Variants in NTRK2 observed in about 807,000 individuals in gnomAD.
NTRK2 encodes BDNF/NT-3 growth factors receptor.
In NTRK2, 13 loss-of-function variants were observed where a neutral mutation model predicts 94.5. The ratio of observed to expected loss-of-function variants is 0.14; its 90% CI spans 0.09 to 0.22. The LOEUF is 0.22. Among genes scored for constraint, NTRK2 ranks in the 10% least tolerant of loss-of-function variants. NTRK2 has a pLI of 1.00. For missense variants in NTRK2, 639 were observed against 1,071.2 expected (o/e 0.60, Z 5.63); for synonymous variants, 372 against 407.4 (o/e 0.91, Z 1.05).
upstream of NTRK2, chr9:84,669,188 A>G (rs917403772): frequency 2.0e-5 from 3 of 152,412 alleles, no homozygotes; most frequent in African/African-American, 7.2e-5. This position sits in a 1 kb window ranked among gnomAD's most constrained non-coding sequence, Gnocchi z 4.1. Flanking sequence ...TGTTTACAAC[A>G]TTTATTTATT....
At chr9:84,886,913 G>A (rs1218814826) in intron 14 of NTRK2, among the ~76,000 whole-genome samples, 1 of 152,240 alleles carries the variant, frequency 6.6e-6, no homozygotes, top group East Asian at 1.9e-4. Flanking sequence ...TGTATGAAAG[G>A]AGCAGTGAAT....
chr9:84,802,367 T>G (rs933567530), intron 12 of NTRK2, among the ~76,000 whole-genome samples: 1 of 152,212 alleles, frequency 6.6e-6, no homozygotes, highest in Non-Finnish European at 1.5e-5. Context: ...AAATTCCACT[T>G]GAACCAAAGA....
At chr9:84,683,979 T>C (rs980989179) in intron 2 of NTRK2, among the ~76,000 whole-genome samples, 2 of 152,232 alleles carry the variant, frequency 1.3e-5, no homozygotes, top group African/African-American at 4.8e-5. Context: ...ATCTGTTTGT[T>C]GGCCACATAA....
rs767147256 is a variant in NTRK2 at position 84,724,354 on chromosome 9, A to G, written c.851A>G (p.His284Arg). 1.2e-6 allele frequency: 2 copies of G among 1,614,184 alleles called. No homozygotes were observed. Among genetic ancestry groups the G allele is most frequent in the Admixed American group, 1.7e-5 (1 of 60,028 alleles). ...EDQDSVNLTV[H>R]FAPTITFLES... ...CAAGATTCTGTCAACCTCACTGTGC[A>G]TTGTACGTAATCAGACTGGCATGTG... Residue 284 changes from histidine (H) to arginine (R), a missense_variant and splice_region_variant, in exon 8 of 19, where the codon CAT (histidine) becomes CGT (arginine). Around this residue, in one of 5 missense-constraint regions of NTRK2, gnomAD observed 343 missense variants for 571.5 expected, o/e 0.60. Coordinates refer to ENST00000277120, the MANE Select transcript of NTRK2 (RefSeq NM_006180.6).
chr9:84,921,167 C>A (rs1388258121), intron 14 of NTRK2, among the ~76,000 whole-genome samples: 1 of 152,160 alleles, frequency 6.6e-6, no homozygotes, highest in Non-Finnish European at 1.5e-5. Context: ...TCACCAGGAC[C>A]CCAAAGGACC....
At chr9:85,010,959 C>T (rs1048645956) in intron 17 of NTRK2, among the ~76,000 whole-genome samples, 1 of 152,112 alleles carries the variant, frequency 6.6e-6, no homozygotes, top group African/African-American at 2.4e-5. Context: ...CCTGAAGCAA[C>T]ATGGAGTCCA....
chr9:84,836,190 T>A (rs2073863914), intron 12 of NTRK2, among the ~76,000 whole-genome samples: 1 of 152,194 alleles, frequency 6.6e-6, no homozygotes, highest in African/African-American at 2.4e-5. Flanking sequence ...ATCAAAGAGT[T>A]ACTATTCAGG....
At chr9:84,813,772 G>T in intron 12 of NTRK2, 7 of 1,065,862 alleles carry the variant, frequency 6.6e-6, no homozygotes, top group East Asian at 5.0e-5. Context: ...TTTCAACAGC[G>T]CTCATGTCTC....
chr9:84,818,451 C>T (rs965259456), intron 12 of NTRK2, among the ~76,000 whole-genome samples: 8 of 152,158 alleles, frequency 5.3e-5, no homozygotes, highest in African/African-American at 1.7e-4. Context: ...GAGAGGCACC[C>T]CTTGATCCCA....
At chr9:84,718,906 G>A (rs866879526) in intron 6 of NTRK2, among the ~76,000 whole-genome samples, 1 of 152,114 alleles carries the variant, frequency 6.6e-6, no homozygotes, top group African/African-American at 2.4e-5. Flanking sequence ...ATTAACATGA[G>A]TCAGATGCTT....
At chr9:84,776,719 C>T (rs1031159269) in intron 12 of NTRK2, among the ~76,000 whole-genome samples, 3 of 152,308 alleles carry the variant, frequency 2.0e-5, no homozygotes, top group African/African-American at 7.2e-5. Context: ...TCTTCCAAAA[C>T]CCCATGAGTG....
At chr9:84,845,051 G>A (rs1044255796) in intron 12 of NTRK2, among the ~76,000 whole-genome samples, 2 of 152,228 alleles carry the variant, frequency 1.3e-5, no homozygotes, top group East Asian at 1.9e-4. Context: ...ACAGTATGGC[G>A]ATTCTTTAAA....
rs191112625 is a variant in NTRK2, at chr9:85,020,531, C to T, written c.2331+167C>T. ...CTGCTATGTTTCTAAATTTCATGGT[C>T]AAAGTATAATCACTCTGAGAAAGCA... On this transcript the variant is annotated intron_variant, in intron 18 of 18. Transcript: ENST00000277120. Among the ~76,000 whole-genome samples the T allele has an allele frequency of 2.2e-3, 332 of 152,266 alleles. 1 individual carries two copies. Among genetic ancestry groups the T allele is most frequent in the African/African-American group, 7.7e-3 (320 of 41,528 alleles).
At chr9:84,859,295 C>T (rs1044264441) in intron 12 of NTRK2, among the ~76,000 whole-genome samples, 6 of 152,118 alleles carry the variant, frequency 3.9e-5, no homozygotes, top group African/African-American at 1.4e-4. Context: ...GGAAATTGTG[C>T]GTCTTTAGTT....
At chr9:85,015,546 A>AT (rs1357626357) in intron 17 of NTRK2, among the ~76,000 whole-genome samples, 6 of 152,180 alleles carry the variant, frequency 3.9e-5, no homozygotes, top group African/African-American at 1.4e-4. Flanking sequence ...GGAACCCATT[A>AT]AAGACATGGT....
chr9:84,971,997 G>C (rs147142143), intron 17 of NTRK2, among the ~76,000 whole-genome samples: 115 of 152,180 alleles, frequency 7.6e-4, no homozygotes, highest in African/African-American at 2.7e-3. Context: ...GATTCAGCTG[G>C]GTGCATTAAA....
intron 12 of NTRK2, chr9:84,813,055 AAATGT>A (rs1236675239): frequency 9.6e-7 from 1 of 1,038,626 alleles, no homozygotes; most frequent in African/African-American, 1.7e-5. Flanking sequence ...CTCCCATAAG[AAATGT>A]GCTTTTTAGA....
chr9:84,782,743 G>GC (rs1226143795), intron 12 of NTRK2, among the ~76,000 whole-genome samples: 1 of 152,122 alleles, frequency 6.6e-6, no homozygotes. Flanking sequence ...CTCAGCATTT[G>GC]TGAGAGATTG....
At chr9:84,794,758 G>A (rs2069108440) in intron 12 of NTRK2, among the ~76,000 whole-genome samples, 1 of 152,140 alleles carries the variant, frequency 6.6e-6, no homozygotes, top group Non-Finnish European at 1.5e-5. Flanking sequence ...GGGAGTCTAG[G>A]ACAGAGGTTG....
Sources: gnomAD v4.1 joint callset for allele counts (sites outside exome capture counted in the v4.1 genomes callset) on GRCh38, gnomAD v4.1.1 for gene constraint, gnomAD v4.1.1 regional missense constraint, Gnocchi (gnomAD v3.1) non-coding constraint, MANE v1.5 for transcripts, NCBI Gene and HGNC (gene_info 2026-07-23, HGNC 2026-07-21) for gene names.